Variants in ZNF682 observed in about 807,000 individuals in gnomAD.
The protein encoded by ZNF682 is zinc finger protein 682.
Under a neutral mutation model 36.5 loss-of-function variants are expected in ZNF682, and 29 were observed. That is an observed-to-expected ratio of 0.80 (90% CI 0.59 to 1.08). ZNF682 has a LOEUF of 1.08. Ranked by LOEUF, ZNF682 falls within the 50% of genes least tolerant of loss-of-function variation. ZNF682 has a pLI of 0.00. For missense variants in ZNF682, 561 were observed against 579.7 expected, an observed-to-expected ratio of 0.97 and a Z score of 0.33; for synonymous variants, 180 against 197.0, an observed-to-expected ratio of 0.91 and a Z score of 0.72.
intron 3 of ZNF682, among the ~76,000 whole-genome samples, chr19:20,020,886 A>G (rs2088377394): frequency 6.6e-6 from 1 of 152,232 alleles, no homozygotes. Flanking sequence ...AGAGAGTACA[A>G]AGCTGGTTGA....
chr19:20,021,156 T>G (rs1484833745), intron 3 of ZNF682, among the ~76,000 whole-genome samples: 3 of 152,202 alleles, frequency 2.0e-5, no homozygotes, highest in Non-Finnish European at 4.4e-5. Flanking sequence ...AGTTTACAAA[T>G]TTGTGTTTGG....
At position 20,039,331 on chromosome 19, in the gene ZNF682, T is replaced by C; in HGVS notation, c.3+12A>G. On this transcript the variant is annotated intron_variant, in intron 1 of 3. Transcript: ENST00000397165. ...TGCCCCCACCTCGGGATGCGCGGCC[T>C]GGCACACTCACCATTTTTCGGCTTC... 6.2e-7 allele frequency: 1 copy of C among 1,612,370 alleles called. No individual in the cohort carries two copies. The highest frequency in any genetic ancestry group is 8.5e-7 in the Non-Finnish European group (1 of 1,179,912).
chr19:20,003,211 A>AAAAG (rs2088182472), downstream of ZNF682, among the ~76,000 whole-genome samples: 1 of 149,716 alleles, frequency 6.7e-6, no homozygotes, highest in Admixed American at 6.6e-5. Flanking sequence ...AAAAAAAAAA[A>AAAAG]AAAAAAAAAT....
chr19:20,000,422 C>A (rs2088159428), downstream of ZNF682, among the ~76,000 whole-genome samples: 1 of 152,170 alleles, frequency 6.6e-6, no homozygotes, highest in South Asian at 2.1e-4. Flanking sequence ...ATGAGGTGCA[C>A]CCACAGATAA....
chr19:20,022,518 T>A (rs1599611598), intron 3 of ZNF682, among the ~76,000 whole-genome samples: 1 of 151,658 alleles, frequency 6.6e-6, no homozygotes, highest in Middle Eastern at 3.4e-3. Context: ...AAATACAAAA[T>A]TAGCTGGGCG....
chr19:20,033,447 CCA>C (rs1341952923), intron 1 of ZNF682: 1 of 152,326 alleles, frequency 6.6e-6, no homozygotes, highest in East Asian at 1.9e-4. Context: ...CAGCACCATG[CCA>C]CAGAGCAGAG....
intron 1 of ZNF682, among the ~76,000 whole-genome samples, chr19:20,030,396 C>A (rs1015977536): frequency 2.2e-4 from 34 of 152,134 alleles, no homozygotes; most frequent in African/African-American, 8.2e-4. Context: ...ATGGTGAAAT[C>A]CCATATCTAC....
chr19:20,010,977 A>T (rs555291115), intron 3 of ZNF682, among the ~76,000 whole-genome samples: 6 of 152,086 alleles, frequency 3.9e-5, no homozygotes, highest in South Asian at 2.1e-4. Flanking sequence ...AGAAAAAAAA[A>T]TTTTTTTAAT....
In ZNF682 at chr19:20,005,146, C is replaced by G. The variant is rs1348936112; in HGVS notation, c.*859G>C. ...TTGGAGTTCAGTGGCGCGATCTCGG[C>G]TCACTGCAAGCTCCGCCTCTCGGGT... On this transcript the variant is annotated 3_prime_UTR_variant, in exon 4 of 4. Coordinates refer to ENST00000397165, the MANE Select transcript of ZNF682 (RefSeq NM_033196.3). 3 of 152,072 alleles carry G rather than the reference C, an allele frequency of 2.0e-5. No homozygotes were observed. The highest frequency in any genetic ancestry group is 4.4e-5 in the Non-Finnish European group (3 of 68,032). The allele number at this position is 152,072 out of a possible 1,614,324, so 9.4% of individuals were successfully genotyped here. A position where few individuals can be genotyped will look rare whatever the true frequency, so the allele number is the denominator to read the frequency against.
At chr19:20,007,339 C>T (rs1184438554) in intron 3 of ZNF682, 64 bp from the exon 4 acceptor site, 12 of 1,392,688 alleles carry the variant, frequency 8.6e-6, no homozygotes, top group Non-Finnish European at 1.1e-5. Context: ...ATATACTTTA[C>T]AAATCTAATA....
At chr19:20,011,753 C>T (rs1264127077) in intron 3 of ZNF682, among the ~76,000 whole-genome samples, 1 of 152,086 alleles carries the variant, frequency 6.6e-6, no homozygotes, top group Admixed American at 6.6e-5. Context: ...AAAATGGTGA[C>T]GAGGCCAGGC....
At chr19:20,015,716 C>T (rs1431049706) in intron 3 of ZNF682, 10 of 394,446 alleles carry the variant, frequency 2.5e-5, no homozygotes, top group Non-Finnish European at 3.6e-5. Context: ...ACAGAAACCC[C>T]ATTATAATTA....
chr19:20,039,000 C>G (rs1455460268), intron 1 of ZNF682, among the ~76,000 whole-genome samples: 1 of 152,252 alleles, frequency 6.6e-6, no homozygotes, highest in Non-Finnish European at 1.5e-5. Context: ...GATCACAGCA[C>G]TTCCCACGCA....
Position 20,006,109 on chromosome 19 carries a change from AC to A in ZNF682, c.1392del (p.Cys465AlafsTer39). ...KCEECGKAFK[R>X]CSHLNEHKRV... ...CTCTTATGTTCATTAAGATGTGAGC[AC>A]CGTTTAAAAGCTTTGCCACATTCTT... On this transcript the variant is annotated frameshift_variant, in exon 4 of 4. Coordinates refer to ENST00000397165, the MANE Select transcript of ZNF682 (RefSeq NM_033196.3). LOFTEE classifies it high-confidence loss of function. The A allele has an allele frequency of 6.2e-7, 1 of 1,614,080 alleles. No individual in the cohort carries two copies. The highest frequency in any genetic ancestry group is 8.5e-7 in the Non-Finnish European group (1 of 1,179,992).
In ZNF682 at chr19:20,023,789, C is replaced by T. The variant is rs2088408140; in HGVS notation, c.130+461G>A. Among the ~76,000 whole-genome samples the T allele has an allele frequency of 2.0e-5, 3 of 152,038 alleles. No homozygotes were observed. In the South Asian group the frequency reaches 6.2e-4, roughly 32 times the overall value. Reference sequence around the variant, plus strand: ...GTGAGGTCAGGAGTTCGAGACCAGCCTGGCCAACATAGTGAAACCTCCTCT... The same window carrying T: ...GTGAGGTCAGGAGTTCGAGACCAGCTTGGCCAACATAGTGAAACCTCCTCT... On this transcript the variant is annotated intron_variant, in intron 2 of 3. Transcript: ENST00000397165.
intron 2 of ZNF682, among the ~76,000 whole-genome samples, chr19:20,023,872 C>T (rs934494579): frequency 6.6e-6 from 1 of 152,010 alleles, no homozygotes. Flanking sequence ...GTCCCAGCTA[C>T]TCAGGAGGCT....
intron 1 of ZNF682, among the ~76,000 whole-genome samples, chr19:20,024,681 T>C (rs1444670319): frequency 6.6e-6 from 1 of 151,958 alleles, no homozygotes; most frequent in Non-Finnish European, 1.5e-5. Flanking sequence ...CTACTAGAAA[T>C]ACAAAAATTA....
chr19:20,006,962 T>G lies in ZNF682; in HGVS notation c.540A>C (p.Lys180Asn). Residue 180 changes from lysine to asparagine, a missense_variant, in exon 4 of 4, where the codon AAA (lysine) becomes AAC (asparagine). Transcript: ENST00000397165. ...EKLFKCMQCG[K>N]VFKSHSGLSY... ...AAAGGCCTGAGTGAGATTTAAAGAC[T>G]TTGCCACATTGCATACATTTGAAAA... The G allele has an allele frequency of 6.2e-7, 1 of 1,613,128 alleles. No homozygotes were observed. Among genetic ancestry groups the G allele is most frequent in the African/African-American group, 1.3e-5 (1 of 75,062 alleles).
At chr19:20,026,169 G>A (rs1260919811) in intron 1 of ZNF682, among the ~76,000 whole-genome samples, 1 of 152,004 alleles carries the variant, frequency 6.6e-6, no homozygotes, top group East Asian at 2.0e-4. Context: ...CAGGTGTGGT[G>A]GTGGGCGCCT....
Sources: allele counts gnomAD v4.1 joint callset (sites outside exome capture counted in the v4.1 genomes callset), GRCh38; gene constraint gnomAD v4.1.1; transcripts MANE v1.5; gene names NCBI Gene and HGNC (gene_info 2026-07-23, HGNC 2026-07-21).